Variants in TAFA4 observed in about 807,000 individuals in gnomAD.
TAFA4 encodes the protein TAFA chemokine like family member 4.
A neutral mutation model predicts 21.1 loss-of-function variants in TAFA4; 20 were observed. The ratio of observed to expected loss-of-function variants is 0.95; its 90% CI spans 0.67 to 1.38. The LOEUF (loss-of-function observed/expected upper bound fraction) is 1.38, where lower values mean the gene tolerates loss of function less well. TAFA4 is among the 40% of genes most tolerant of loss of function. TAFA4 has a pLI of 0.00. For synonymous variants in TAFA4, 71 were observed against 67.4 expected, an observed-to-expected ratio of 1.05 and a Z score of -0.26; for missense variants, 211 against 180.9, an observed-to-expected ratio of 1.17 and a Z score of -0.95.
intron 4 of TAFA4, among the ~76,000 whole-genome samples, chr3:68,750,363 C>G (rs985592350): frequency 1.3e-5 from 2 of 152,122 alleles, no homozygotes; most frequent in Admixed American, 1.3e-4. Flanking sequence ...TGCTATGGAG[C>G]AATTGAAAAC....
intron 3 of TAFA4, among the ~76,000 whole-genome samples, chr3:68,768,902 C>T (rs1056115317): frequency 3.3e-5 from 5 of 152,122 alleles, no homozygotes; most frequent in African/African-American, 1.2e-4. Flanking sequence ...GAACCCATAA[C>T]AGTAGAACAG....
chr3:68,804,974 G>T (rs890930285), intron 3 of TAFA4, among the ~76,000 whole-genome samples: 14 of 152,320 alleles, frequency 9.2e-5, no homozygotes, highest in African/African-American at 3.4e-4. Flanking sequence ...AAACTAAAGA[G>T]CTTCTGCACA....
At chr3:68,930,389 G>A (rs2090148615) in intron 1 of TAFA4, among the ~76,000 whole-genome samples, 1 of 152,138 alleles carries the variant, frequency 6.6e-6, no homozygotes, top group Admixed American at 6.5e-5. Flanking sequence ...CTGCTTTTCT[G>A]GACAGGACAA....
At chr3:68,755,778 A>G (rs1172795006) in intron 3 of TAFA4, among the ~76,000 whole-genome samples, 2 of 152,188 alleles carry the variant, frequency 1.3e-5, no homozygotes, top group African/African-American at 4.8e-5. Context: ...TAAACTTGCA[A>G]ACAGACTCCT....
At chr3:68,840,593 A>T (rs1453127700) in intron 3 of TAFA4, among the ~76,000 whole-genome samples, 1 of 152,190 alleles carries the variant, frequency 6.6e-6, no homozygotes, top group Non-Finnish European at 1.5e-5. Context: ...ACGTGCCTTT[A>T]GAAGGTAAAT....
At chr3:68,817,649 G>T (rs1704018761) in intron 3 of TAFA4, among the ~76,000 whole-genome samples, 1 of 152,116 alleles carries the variant, frequency 6.6e-6, no homozygotes, top group Non-Finnish European at 1.5e-5. Flanking sequence ...CTGCAGAATG[G>T]TTGTTGTATT....
intron 3 of TAFA4, among the ~76,000 whole-genome samples, chr3:68,765,055 G>C (rs76301722): frequency 0.012 from 1,749 of 151,090 alleles, 34 homozygotes; most frequent in African/African-American, 0.04. Flanking sequence ...TCAAAGAACT[G>C]TTAAAAAAAA....
intron 1 of TAFA4, among the ~76,000 whole-genome samples, chr3:68,914,016 A>G (rs2089982714): frequency 6.6e-6 from 1 of 152,206 alleles, no homozygotes; most frequent in Non-Finnish European, 1.5e-5. Context: ...TGACTCCAAC[A>G]GTCTGAAAAA....
intron 3 of TAFA4, among the ~76,000 whole-genome samples, chr3:68,800,578 T>A (rs961708801): frequency 2.0e-5 from 3 of 152,014 alleles, no homozygotes; most frequent in Admixed American, 6.6e-5. Flanking sequence ...AGCCACAGAG[T>A]GGCCAAGCAA....
chr3:68,859,963 G>A (rs537824267), intron 3 of TAFA4, among the ~76,000 whole-genome samples: 1 of 152,220 alleles, frequency 6.6e-6, no homozygotes, highest in African/African-American at 2.4e-5. Context: ...GTACTCCATT[G>A]TACCTGAGAT....
chr3:68,869,645 T>A (rs956285638), intron 3 of TAFA4, among the ~76,000 whole-genome samples: 1 of 152,074 alleles, frequency 6.6e-6, no homozygotes, highest in Non-Finnish European at 1.5e-5. Flanking sequence ...TTAAAAGGAT[T>A]CAACACAATT....
chr3:68,925,584 T>C (rs138194528), intron 1 of TAFA4, among the ~76,000 whole-genome samples: 1 of 152,334 alleles, frequency 6.6e-6, no homozygotes, highest in African/African-American at 2.4e-5. Context: ...ATTACTGACA[T>C]ATGAAACTTG....
At chr3:68,892,266 A>T (rs749037362) in intron 1 of TAFA4, among the ~76,000 whole-genome samples, 9 of 152,210 alleles carry the variant, frequency 5.9e-5, no homozygotes, top group Non-Finnish European at 1.2e-4. Context: ...TGAAGAATTT[A>T]CTACTGAACC....
intron 3 of TAFA4, among the ~76,000 whole-genome samples, chr3:68,857,541 A>G (rs906112059): frequency 6.6e-6 from 1 of 152,188 alleles, no homozygotes; most frequent in Non-Finnish European, 1.5e-5. Context: ...TCAGCTTTTT[A>G]AAACCATGAA....
At chr3:68,748,308 C>T (rs969346548) in intron 4 of TAFA4, among the ~76,000 whole-genome samples, 5 of 152,298 alleles carry the variant, frequency 3.3e-5, no homozygotes, top group Non-Finnish European at 5.9e-5. Context: ...GAGAAAAATA[C>T]GTTTTAAGTG....
At chr3:68,772,023 G>A (rs1305519374) in intron 3 of TAFA4, among the ~76,000 whole-genome samples, 3 of 149,134 alleles carry the variant, frequency 2.0e-5, no homozygotes, top group Non-Finnish European at 4.4e-5. Context: ...AGGGAGGGAT[G>A]AAGATTTTTT....
At chr3:68,801,278 T>C (rs1703573810) in intron 3 of TAFA4, among the ~76,000 whole-genome samples, 1 of 152,224 alleles carries the variant, frequency 6.6e-6, no homozygotes, top group Admixed American at 6.5e-5. Flanking sequence ...GATTATTGTT[T>C]TGCTGATGCA....
intron 1 of TAFA4, among the ~76,000 whole-genome samples, chr3:68,904,899 G>A (rs181212360): frequency 1.1e-3 from 164 of 152,312 alleles, no homozygotes; most frequent in African/African-American, 3.8e-3. Context: ...GTGAATGCTA[G>A]GGATGGGAAC....
intron 3 of TAFA4, among the ~76,000 whole-genome samples, chr3:68,853,418 C>T (rs532281288): frequency 5.3e-5 from 8 of 152,026 alleles, no homozygotes; most frequent in South Asian, 2.1e-4. Flanking sequence ...TAATTTTCCC[C>T]GAAATGCCTA....
Sources: allele counts gnomAD v4.1 joint callset (sites outside exome capture counted in the v4.1 genomes callset), GRCh38; gene constraint gnomAD v4.1.1; transcripts MANE v1.5; gene names NCBI Gene and HGNC (gene_info 2026-07-23, HGNC 2026-07-21).